The following LRP2 variants were observed in gnomAD, a reference collection of about 807,000 sequenced individuals.
LRP2 encodes low-density lipoprotein receptor-related protein 2.
In LRP2, 172 loss-of-function variants were observed where a neutral mutation model predicts 531.0. That is an observed-to-expected ratio of 0.32 (90% CI 0.29 to 0.37). LRP2 has a LOEUF of 0.37. LRP2 is among the 10% of genes least tolerant of loss of function. The pLI is 1.00. For synonymous variants in LRP2, 1,992 were observed against 2,027.6 expected, an observed-to-expected ratio of 0.98 and a Z score of 0.47; for missense variants, 5,167 against 5,868.3, an observed-to-expected ratio of 0.88 and a Z score of 3.90.
At chr2:169,220,952 C>T (rs1173366426) in intron 33 of LRP2, among the ~76,000 whole-genome samples, 1 of 152,120 alleles carries the variant, frequency 6.6e-6, no homozygotes, top group African/African-American at 2.4e-5. Flanking sequence ...AGCTTTCCTG[C>T]ACCCCACCAA....
intron 34 of LRP2, among the ~76,000 whole-genome samples, chr2:169,216,980 A>C (rs934242120): frequency 6.6e-6 from 1 of 152,170 alleles, no homozygotes; most frequent in African/African-American, 2.4e-5. Flanking sequence ...TTTCTGTGAG[A>C]GTGGAATCTC....
chr2:169,196,851 G>C, intron 46 of LRP2, 60 bp downstream of exon 46: 2 of 1,610,446 alleles, frequency 1.2e-6, no homozygotes, highest in Admixed American at 3.3e-5. Context: ...GAAGCAGTTG[G>C]AAGAGACTGA....
At chr2:169,134,555 C>T (rs1685421830) in intron 76 of LRP2, among the ~76,000 whole-genome samples, 1 of 152,184 alleles carries the variant, frequency 6.6e-6, no homozygotes, top group South Asian at 2.1e-4. Context: ...GGCCTAATCG[C>T]CACTCACCAG....
intron 20 of LRP2, 44 bp downstream of exon 20, chr2:169,247,333 TA>T: frequency 6.2e-7 from 1 of 1,606,462 alleles, no homozygotes. Flanking sequence ...AACAAATAAA[TA>T]AACCCATACA....
At chr2:169,228,596 G>A (rs1043497192) in intron 31 of LRP2, among the ~76,000 whole-genome samples, 8 of 152,122 alleles carry the variant, frequency 5.3e-5, no homozygotes, top group Non-Finnish European at 7.4e-5. Context: ...TTATGCATGG[G>A]CCTTCTTGAC....
chr2:169,188,099 G>T lies in LRP2; in HGVS notation c.9199C>A (p.Leu3067Met). The change falls in exon 49 of 79, where the codon CTG (leucine) becomes ATG (methionine). Residue 3067 changes from leucine (L) to methionine (M), a missense_variant. Leu to Met is a conservative substitution (Grantham distance 15). Coordinates refer to ENST00000649046, the MANE Select transcript of LRP2 (RefSeq NM_004525.3). ...CACGTGGGTTCTGGGGTGTGGCACA[G>T]GTGCATCAGCTCATCAGATCCGTCT... ...CGDGSDELMHLCHTPEPTCPP... is the reference protein window; with the variant it reads ...CGDGSDELMHMCHTPEPTCPP... 1.2e-6 allele frequency: 2 copies of T among 1,614,094 alleles called. No individual in the cohort carries two copies. The highest frequency in any genetic ancestry group is 1.7e-6 in the Non-Finnish European group (2 of 1,180,010).
intron 33 of LRP2, among the ~76,000 whole-genome samples, chr2:169,223,327 T>C (rs1689083861): frequency 6.6e-6 from 1 of 152,156 alleles, no homozygotes; most frequent in African/African-American, 2.4e-5. Context: ...CTAACACTAA[T>C]GGGAAAGACA....
At chr2:169,224,108 T>C (rs569414041) in intron 33 of LRP2, among the ~76,000 whole-genome samples, 1 of 152,148 alleles carries the variant, frequency 6.6e-6, no homozygotes, top group Admixed American at 6.5e-5. Context: ...CTACAGAGAG[T>C]GCTTTTTAGT....
Position 169,139,576 on chromosome 2 carries a change from T to C in LRP2, c.13234A>G (p.Met4412Val), listed in dbSNP as rs1029471809. 6.2e-7 allele frequency: 1 copy of C among 1,614,102 alleles called. No individual in the cohort carries two copies. Among genetic ancestry groups the C allele is most frequent in the Non-Finnish European group, 8.5e-7 (1 of 1,180,038 alleles). ...GGAGAGATGCCTTTTGAAAACGCCA[T>C]TTCACAATATTTTCCGGTGTAGCCG... ...PSGYTGKYCE[M>V]AFSKGISPGT... The change falls in exon 73 of 79, where the codon ATG becomes GTG. Residue 4412 changes from methionine to valine, a missense_variant. This residue lies in a region of LRP2 where 348 missense variants were observed against 369.3 expected (regional missense o/e 0.94). Coordinates refer to ENST00000649046, the MANE Select transcript of LRP2 (RefSeq NM_004525.3).
chr2:169,201,485 C>T, intron 44 of LRP2, 143 bp downstream of exon 44: 2 of 985,598 alleles, frequency 2.0e-6, no homozygotes, highest in Non-Finnish European at 3.0e-6. Flanking sequence ...ATACTTGCTA[C>T]CGCGCCTAGC....
chr2:169,341,952 C>G (rs969655354), intron 1 of LRP2, among the ~76,000 whole-genome samples: 5 of 152,106 alleles, frequency 3.3e-5, no homozygotes, highest in African/African-American at 4.8e-5. Context: ...GGCATTTAAG[C>G]CCAGACAATT....
Position 169,146,945 on chromosome 2 carries a change from G to A in LRP2, c.12605C>T (p.Thr4202Ile). ...GATTTTAGGTTCCTTTCCCCAGTCA[G>A]TCCAGAACATAAGCCTATAACAGAA... Reference protein sequence around the residue: ...VNPKLGLMFWTDWGKEPKIES... With the variant: ...VNPKLGLMFWIDWGKEPKIES... The change falls in exon 69 of 79, where the codon ACT becomes ATT. Residue 4202 changes from threonine to isoleucine, a missense_variant. By Grantham distance (89) the Thr-to-Ile change is moderately conservative. This residue lies in a region of LRP2 where 564 missense variants were observed against 747.7 expected (regional missense o/e 0.75). Coordinates refer to ENST00000649046, the MANE Select transcript of LRP2 (RefSeq NM_004525.3). 6.2e-7 allele frequency: 1 copy of A among 1,612,394 alleles called. No individual in the cohort carries two copies. The highest frequency in any genetic ancestry group is 8.5e-7 in the Non-Finnish European group (1 of 1,178,960).
At chr2:169,136,298 T>G (rs1403739275) in intron 76 of LRP2, among the ~76,000 whole-genome samples, 1 of 152,024 alleles carries the variant, frequency 6.6e-6, no homozygotes, top group African/African-American at 2.4e-5. Context: ...CTGCGCATTA[T>G]CTCTCCATGC....
At chr2:169,296,464 T>C (rs965741463) in intron 4 of LRP2, among the ~76,000 whole-genome samples, 1 of 152,020 alleles carries the variant, frequency 6.6e-6, no homozygotes, top group Non-Finnish European at 1.5e-5. Context: ...TAATTCTCCC[T>C]TCAAGAGATG....
Position 169,175,291 on chromosome 2 carries a change from T to C in LRP2, c.10670A>G (p.Gln3557Arg), listed in dbSNP as rs1265496864. 2 of 1,614,222 alleles carry C rather than the reference T, an allele frequency of 1.2e-6. No individual in the cohort carries two copies. Among genetic ancestry groups the C allele is most frequent in the East Asian group, 2.2e-5 (1 of 44,886 alleles). The change falls in exon 55 of 79, where the codon CAG becomes CGG. Residue 3557 changes from glutamine to arginine, a missense_variant. Gln to Arg is a conservative substitution (Grantham distance 43). Transcript: ENST00000649046. ...LCPQRFCRLGQFQCSDGNCTS... is the reference protein window; with the variant it reads ...LCPQRFCRLGRFQCSDGNCTS... Reference sequence around the variant, plus strand: ...GCAGTTGCCGTCACTGCACTGGAACTGTCCCAGTCGGCAGAAGCGCTGCGG... The same window carrying C: ...GCAGTTGCCGTCACTGCACTGGAACCGTCCCAGTCGGCAGAAGCGCTGCGG...
intron 37 of LRP2, among the ~76,000 whole-genome samples, 199 bp downstream of exon 37, chr2:169,211,769 G>A (rs959929966): frequency 2.2e-4 from 34 of 152,196 alleles, no homozygotes; most frequent in African/African-American, 8.2e-4. Context: ...GTCTGGAGCT[G>A]TGTTGGCGTG....
intron 14 of LRP2, 81 bp downstream of exon 14, chr2:169,274,955 C>T: frequency 1.5e-6 from 2 of 1,366,272 alleles, no homozygotes; most frequent in Admixed American, 1.7e-5. Flanking sequence ...TAAGACCCCT[C>T]ATTATTAACT....
At chr2:169,268,342 G>A (rs2105431642) in intron 16 of LRP2, among the ~76,000 whole-genome samples, 1 of 152,118 alleles carries the variant, frequency 6.6e-6, no homozygotes, top group East Asian at 1.9e-4. Context: ...GATGAACATT[G>A]ATGCAAAAAT....
chr2:169,315,597 T>C (rs963770711), intron 3 of LRP2, among the ~76,000 whole-genome samples: 1 of 152,166 alleles, frequency 6.6e-6, no homozygotes, highest in African/African-American at 2.4e-5. Context: ...AAGGCAAGAA[T>C]AGCAAATGAT....
Sources: allele counts gnomAD v4.1 joint callset (sites outside exome capture counted in the v4.1 genomes callset), GRCh38; gene constraint gnomAD v4.1.1; regional missense constraint gnomAD v4.1.1; transcripts MANE v1.5; gene names NCBI Gene and HGNC (gene_info 2026-07-23, HGNC 2026-07-21).